Variants in CAMK1D observed in about 807,000 individuals in gnomAD.
CAMK1D encodes the protein calcium/calmodulin dependent protein kinase ID.
CAMK1D carries 9 observed loss-of-function variants against 47.7 expected under a neutral mutation model. The ratio of observed to expected loss-of-function variants is 0.19; its 90% confidence interval spans 0.11 to 0.33. The LOEUF is 0.33. Among genes scored for constraint, CAMK1D ranks in the 10% least tolerant of loss-of-function variants. The pLI, the probability that CAMK1D is intolerant of heterozygous loss-of-function variation, is 1.00. For missense variants in CAMK1D, 291 were observed against 488.7 expected (o/e 0.60, Z 3.81); for synonymous variants, 184 against 184.9 (o/e 0.99, Z 0.04).
chr10:12,599,467 G>A (rs138011377), intron 2 of CAMK1D, among the ~76,000 whole-genome samples: 1 of 152,318 alleles, frequency 6.6e-6, no homozygotes, highest in Non-Finnish European at 1.5e-5. Flanking sequence ...CAGAGAGTAG[G>A]CAGTGCACTG....
intron 1 of CAMK1D, among the ~76,000 whole-genome samples, 176 bp from the exon 2 acceptor site, chr10:12,553,049 G>T (rs575434010): frequency 4.6e-5 from 7 of 152,176 alleles, no homozygotes; most frequent in Non-Finnish European, 7.3e-5. Flanking sequence ...GGCTGCCCCT[G>T]TGTATTTCTT....
chr10:12,709,498 T>C (rs1833857025), intron 3 of CAMK1D, among the ~76,000 whole-genome samples: 1 of 152,050 alleles, frequency 6.6e-6, no homozygotes, highest in East Asian at 1.9e-4. Context: ...TCTGAAATCT[T>C]AGGGGAATAA....
chr10:12,425,033 T>G (rs1385905395), intron 1 of CAMK1D, among the ~76,000 whole-genome samples: 1 of 152,210 alleles, frequency 6.6e-6, no homozygotes, highest in Non-Finnish European at 1.5e-5. Context: ...CTTCCATGAT[T>G]GATGTGCCAC....
At chr10:12,729,188 T>C (rs1834780831) in intron 3 of CAMK1D, among the ~76,000 whole-genome samples, 1 of 152,178 alleles carries the variant, frequency 6.6e-6, no homozygotes, top group Admixed American at 6.5e-5. Context: ...GTTCAGCAAA[T>C]CTGGCTGAAT....
chr10:12,523,364 A>G (rs937616274), intron 1 of CAMK1D, among the ~76,000 whole-genome samples: 2 of 152,134 alleles, frequency 1.3e-5, no homozygotes, highest in Non-Finnish European at 2.9e-5. Flanking sequence ...AGAGGCTGCA[A>G]TCTCGGCACT....
intron 1 of CAMK1D, among the ~76,000 whole-genome samples, chr10:12,469,602 A>G (rs192655603): frequency 6.6e-4 from 100 of 152,354 alleles, no homozygotes; most frequent in African/African-American, 2.2e-3. Context: ...TATGATGTGG[A>G]AACCTGGATA....
intron 5 of CAMK1D, among the ~76,000 whole-genome samples, chr10:12,785,886 G>A (rs565135820): frequency 6.6e-6 from 1 of 152,236 alleles, no homozygotes; most frequent in Non-Finnish European, 1.5e-5. Flanking sequence ...GCAGGTTGGT[G>A]AAACAGTGCA....
intron 2 of CAMK1D, among the ~76,000 whole-genome samples, chr10:12,574,337 T>C (rs1050975002): frequency 4.6e-5 from 7 of 151,990 alleles, no homozygotes; most frequent in Non-Finnish European, 1.0e-4. Context: ...AGCCTTGTTC[T>C]GTCGCCTGGG....
At chr10:12,577,884 A>T (rs1397508380) in intron 2 of CAMK1D, among the ~76,000 whole-genome samples, 1 of 152,200 alleles carries the variant, frequency 6.6e-6, no homozygotes, top group Non-Finnish European at 1.5e-5. Context: ...CCAGTTATCT[A>T]CGTAAAAAAT....
chr10:12,690,681 G>C (rs1296421969), intron 3 of CAMK1D, among the ~76,000 whole-genome samples: 1 of 152,152 alleles, frequency 6.6e-6, no homozygotes, highest in Non-Finnish European at 1.5e-5. Flanking sequence ...GTCTGTGACT[G>C]TTTATGAGGA....
intron 2 of CAMK1D, among the ~76,000 whole-genome samples, chr10:12,664,259 C>T (rs754287675): frequency 4.2e-4 from 64 of 152,224 alleles, no homozygotes; most frequent in African/African-American, 1.2e-3. Flanking sequence ...ATAGCAGAAA[C>T]GCAGCAAATG....
At chr10:12,756,621 G>A (rs1448686809) in intron 3 of CAMK1D, among the ~76,000 whole-genome samples, 2 of 152,140 alleles carry the variant, frequency 1.3e-5, no homozygotes, top group Non-Finnish European at 2.9e-5. Context: ...CTTAGGCAAG[G>A]AAGATTAGAG....
chr10:12,693,808 A>G (rs1833030556), intron 3 of CAMK1D, among the ~76,000 whole-genome samples: 1 of 145,942 alleles, frequency 6.9e-6, no homozygotes, highest in Non-Finnish European at 1.5e-5. Context: ...ACTTGAGCTC[A>G]GGAATTGGAG....
chr10:12,496,060 C>A (rs1834529548), intron 1 of CAMK1D, among the ~76,000 whole-genome samples: 1 of 152,038 alleles, frequency 6.6e-6, no homozygotes, highest in African/African-American at 2.4e-5. Context: ...AACTCCTGAG[C>A]TCAAGCAATC....
At chr10:12,734,271 C>T (rs1347634833) in intron 3 of CAMK1D, among the ~76,000 whole-genome samples, 4 of 137,768 alleles carry the variant, frequency 2.9e-5, no homozygotes, top group African/African-American at 5.6e-5. Context: ...GCAGTGAGGC[C>T]GAGATCATGC....
chr10:12,541,955 A>T (rs553042561), intron 1 of CAMK1D, among the ~76,000 whole-genome samples: 2 of 148,660 alleles, frequency 1.3e-5, no homozygotes, highest in South Asian at 4.2e-4. Context: ...AGCTTACTGC[A>T]GCCTCAGCCA....
At chr10:12,424,111 C>G (rs1425956338) in intron 1 of CAMK1D, among the ~76,000 whole-genome samples, 1 of 152,196 alleles carries the variant, frequency 6.6e-6, no homozygotes, top group African/African-American at 2.4e-5. Flanking sequence ...GGTCCCGGGG[C>G]CACTCGGTGG....
At chr10:12,379,980 C>T (rs906045697) in intron 1 of CAMK1D, among the ~76,000 whole-genome samples, 9 of 151,812 alleles carry the variant, frequency 5.9e-5, no homozygotes, top group Admixed American at 3.3e-4. Flanking sequence ...TTTGGGAGGC[C>T]GAGGCGGGCG....
chr10:12,733,972 C>T lies in CAMK1D; in HGVS notation c.300-26976C>T, dbSNP rs1204825769. Among the ~76,000 whole-genome samples, 3 of 151,990 alleles carry T rather than the reference C, an allele frequency of 2.0e-5. No individual in the cohort carries two copies. The East Asian group carries it at 5.8e-4, about 29-fold the overall frequency. On this transcript the variant is annotated intron_variant, in intron 3 of 10. Coordinates refer to ENST00000619168, the MANE Select transcript of CAMK1D (RefSeq NM_153498.4). ...AGTGTCTCCAAGACTGTGGATGAAG[C>T]CCCCTGTGGTGGGCTAAATCCTAGA...
Sources: allele counts gnomAD v4.1 joint callset (sites outside exome capture counted in the v4.1 genomes callset), GRCh38; gene constraint gnomAD v4.1.1; transcripts MANE v1.5; gene names NCBI Gene and HGNC (gene_info 2026-07-23, HGNC 2026-07-21).